POU2AF1: variants seen among roughly 807,000 people sequenced by gnomAD.
POU2AF1 encodes POU domain class 2-associating factor 1.
In POU2AF1, 12 loss-of-function variants were observed where a neutral mutation model predicts 26.3. That is an observed-to-expected ratio of 0.46 (90% confidence interval 0.29 to 0.74). The LOEUF (loss-of-function observed/expected upper bound fraction) is 0.74. Among genes scored for constraint, POU2AF1 ranks in the 30% least tolerant of loss-of-function variants. The pLI, the probability that POU2AF1 is intolerant of heterozygous loss-of-function variation, is 0.09. For synonymous variants in POU2AF1, 175 were observed against 148.0 expected (o/e 1.18, Z -1.32); for missense variants, 297 against 334.5 (o/e 0.89, Z 0.87).
intron 1 of POU2AF1, among the ~76,000 whole-genome samples, chr11:111,368,599 C>G (rs1861149313): frequency 6.6e-6 from 1 of 152,200 alleles, no homozygotes; most frequent in Admixed American, 6.5e-5. Context: ...TAACCTGCCT[C>G]CATCTAAGCG....
rs1452632987 is a variant in POU2AF1 at position 111,372,053 on chromosome 11, C to CAGAG, written c.16+7108_16+7109insCTCT. On this transcript the variant is annotated intron_variant, in intron 1 of 4. Transcript: ENST00000393067. ...ATACACACACACACACACACACACA[C>CAGAG]ACACACACACACACACAGAGAGAGA... Among the ~76,000 whole-genome samples the CAGAG allele has an allele frequency of 4.5e-3, 581 of 128,106 alleles. 3 individuals are homozygous for CAGAG. Among genetic ancestry groups the CAGAG allele is most frequent in the African/African-American group, 0.016 (485 of 29,506 alleles). The allele number at this position is 128,106 out of a possible 152,430, so 84.0% of individuals were successfully genotyped here.
At chr11:111,358,402 A>T (rs376314637) in intron 2 of POU2AF1, among the ~76,000 whole-genome samples, 6 of 40,016 alleles carry the variant, frequency 1.5e-4, no homozygotes, top group African/African-American at 3.9e-4. Flanking sequence ...CCTCACACAC[A>T]TACTCTCTCA....
intron 1 of POU2AF1, among the ~76,000 whole-genome samples, chr11:111,375,879 A>G (rs1268981053): frequency 1.3e-5 from 2 of 152,208 alleles, no homozygotes; most frequent in East Asian, 3.8e-4. Flanking sequence ...TATTCAAATG[A>G]TAGACAGAGC....
At chr11:111,371,742 C>G (rs1861212988) in intron 1 of POU2AF1, among the ~76,000 whole-genome samples, 1 of 152,070 alleles carries the variant, frequency 6.6e-6, no homozygotes, top group South Asian at 2.1e-4. Context: ...TGAGTGTTTA[C>G]TTAATGCCAA....
At chr11:111,354,826 C>T (rs1193524365) in intron 4 of POU2AF1, among the ~76,000 whole-genome samples, 1 of 152,168 alleles carries the variant, frequency 6.6e-6, no homozygotes, top group Non-Finnish European at 1.5e-5. Context: ...TCAGAAGGCT[C>T]ATTTTTCTCA....
chr11:111,367,831 C>T (rs1202373432), intron 1 of POU2AF1, among the ~76,000 whole-genome samples: 1 of 152,174 alleles, frequency 6.6e-6, no homozygotes, highest in Admixed American at 6.5e-5. Context: ...AACAATTCCC[C>T]GCAAGGTTTT....
intron 1 of POU2AF1, among the ~76,000 whole-genome samples, chr11:111,372,072 A>AGAGAGAGAGG (rs1861223831): frequency 6.7e-6 from 1 of 149,496 alleles, no homozygotes; most frequent in African/African-American, 2.5e-5. Context: ...ACACACACAG[A>AGAGAGAGAGG]GAGAGAGAGA....
intron 1 of POU2AF1, chr11:111,360,089 T>C (rs1449738688): frequency 1.9e-6 from 1 of 517,886 alleles, no homozygotes; most frequent in Non-Finnish European, 3.9e-6. Flanking sequence ...AGCCAGTGCA[T>C]AGGGCCCTTC....
rs777829067 is a variant in POU2AF1 at position 111,358,908 on chromosome 11, C to T, written c.27G>A (p.Pro9=). The T allele has an allele frequency of 2.0e-5, 32 of 1,603,890 alleles. No homozygotes were observed. Among genetic ancestry groups the T allele is most frequent in the South Asian group, 2.2e-5 (2 of 90,586 alleles). Residue 9 remains proline, a synonymous_variant, in exon 2 of 5, where the codon CCG becomes CCA. Coordinates refer to ENST00000393067, the MANE Select transcript of POU2AF1 (RefSeq NM_006235.3). MLWQKPTA[P]EQAPAPARPY... is the part of the protein sequence containing the mutation. The stretch of plus-strand genomic sequence containing the variant: ...GCCGGGCCGGGGCTGGGGCTTGCTC[C>T]GGAGCTGTGGCTGTGAAAAGCAATG...
chr11:111,356,667 A>G (rs1591189488), intron 4 of POU2AF1, among the ~76,000 whole-genome samples: 1 of 152,286 alleles, frequency 6.6e-6, no homozygotes, highest in East Asian at 1.9e-4. Flanking sequence ...TTCCCGGGGG[A>G]AGAGGCTCTT....
chr11:111,364,512 C>A (rs1390138919), intron 1 of POU2AF1, among the ~76,000 whole-genome samples: 9 of 152,232 alleles, frequency 5.9e-5, no homozygotes, highest in Non-Finnish European at 1.2e-4. Flanking sequence ...CACCTAGGGC[C>A]TGGTCAATGG....
chr11:111,358,438 ACTCT>A (rs1023966870), intron 2 of POU2AF1, among the ~76,000 whole-genome samples: 5 of 87,234 alleles, frequency 5.7e-5, no homozygotes, highest in Admixed American at 1.5e-4. Context: ...TCTCACACTC[ACTCT>A]CACACACACA....
At chr11:111,359,698 A>G (rs976877858) in intron 1 of POU2AF1, among the ~76,000 whole-genome samples, 14 of 152,246 alleles carry the variant, frequency 9.2e-5, no homozygotes, top group African/African-American at 3.4e-4. Flanking sequence ...TCAGTCTATT[A>G]TGTAATAGTT....
intron 1 of POU2AF1, among the ~76,000 whole-genome samples, chr11:111,362,020 A>G (rs1011703035): frequency 1.1e-4 from 17 of 152,078 alleles, no homozygotes; most frequent in African/African-American, 4.1e-4. Context: ...CACAAGTTCC[A>G]TTTGCCACTT....
At chr11:111,369,116 A>AG (rs1186228097) in intron 1 of POU2AF1, among the ~76,000 whole-genome samples, 1 of 152,236 alleles carries the variant, frequency 6.6e-6, no homozygotes, top group Non-Finnish European at 1.5e-5. Context: ...CCAGGCAGCA[A>AG]GATACCCCTA....
At chr11:111,361,479 ATTC>A (rs1861007311) in intron 1 of POU2AF1, among the ~76,000 whole-genome samples, 1 of 152,228 alleles carries the variant, frequency 6.6e-6, no homozygotes, top group Non-Finnish European at 1.5e-5. Context: ...GGGAATAATA[ATTC>A]TTCTCTCACA....
chr11:111,365,808 G>A (rs1055366339), intron 1 of POU2AF1, among the ~76,000 whole-genome samples: 4 of 150,068 alleles, frequency 2.7e-5, no homozygotes, highest in Middle Eastern at 3.2e-3. Context: ...AGTGAGCCAA[G>A]ATCGCACCAT....
chr11:111,366,500 A>C (rs1861107712), intron 1 of POU2AF1, among the ~76,000 whole-genome samples: 1 of 152,234 alleles, frequency 6.6e-6, no homozygotes, highest in African/African-American at 2.4e-5. Context: ...GTATCAGATC[A>C]CAAAGATGGT....
chr11:111,373,776 C>T (rs987565769), intron 1 of POU2AF1, among the ~76,000 whole-genome samples: 11 of 152,256 alleles, frequency 7.2e-5, no homozygotes, highest in Middle Eastern at 3.4e-3. Flanking sequence ...CAGTATCACA[C>T]AAGCGGGACA....
Sources: gnomAD v4.1 joint callset for allele counts (sites outside exome capture counted in the v4.1 genomes callset) on GRCh38, gnomAD v4.1.1 for gene constraint, MANE v1.5 for transcripts, NCBI Gene and HGNC (gene_info 2026-07-23, HGNC 2026-07-21) for gene names.